Variants in SHB observed in about 807,000 individuals in gnomAD.
SHB encodes the protein SH2 domain-containing adapter protein B.
SHB carries 20 observed loss-of-function variants against 52.3 expected under a neutral mutation model. The ratio of observed to expected loss-of-function variants is 0.38; its 90% CI spans 0.27 to 0.56. The LOEUF (loss-of-function observed/expected upper bound fraction) is 0.56. Ranked by LOEUF, SHB falls within the 20% of genes least tolerant of loss-of-function variation. The probability of loss-of-function intolerance (pLI) is 0.71; values close to 1 mark genes in which losing one functional copy is unlikely to be tolerated. For synonymous variants in SHB, 397 were observed against 316.5 expected, an observed-to-expected ratio of 1.25 and a Z score of -2.70; for missense variants, 825 against 723.3, an observed-to-expected ratio of 1.14 and a Z score of -1.61.
chr9:37,942,417 C>T (rs919999396), intron 5 of SHB, among the ~76,000 whole-genome samples: 1 of 152,186 alleles, frequency 6.6e-6, no homozygotes, highest in African/African-American at 2.4e-5. Flanking sequence ...ACTAATCAGA[C>T]CCCAGACCCT....
intron 3 of SHB, among the ~76,000 whole-genome samples, chr9:37,956,622 G>A (rs889675628): frequency 3.3e-5 from 5 of 152,226 alleles, no homozygotes; most frequent in Non-Finnish European, 7.3e-5. Flanking sequence ...CCATAGCACA[G>A]GAAGGGCCAT....
At position 38,068,291 on chromosome 9, in the gene SHB, C is replaced by G; in HGVS notation, c.355G>C (p.Gly119Arg). The change falls in exon 1 of 6, where the codon GGG becomes CGG. Residue 119 changes from glycine (G) to arginine (R), a missense_variant. Transcript: ENST00000377707. ...GCGCGCTGGACCCCGCCTGGCTCCC[C>G]GCTGCCGCCGCAGTAGTCCAGGCGG... ...MCRLDYCGGSGEPGGVQRAFS... is the reference protein window; with the variant it reads ...MCRLDYCGGSREPGGVQRAFS... 1 of 1,481,796 alleles carries G rather than the reference C, an allele frequency of 6.7e-7. No homozygotes were observed. The highest frequency in any genetic ancestry group is 8.9e-7 in the Non-Finnish European group (1 of 1,121,596). 91.8% of individuals were successfully genotyped at this position (1,481,796 alleles called of 1,614,324 possible). A position where few individuals can be genotyped will look rare whatever the true frequency, so the allele number is the denominator to read the frequency against.
At chr9:38,009,142 C>T (rs1308886629) in intron 2 of SHB, among the ~76,000 whole-genome samples, 1 of 152,200 alleles carries the variant, frequency 6.6e-6, no homozygotes, top group South Asian at 2.1e-4. Context: ...AAGCATTTGC[C>T]GGTCTCCGGG....
At chr9:37,945,745 C>T (rs1035845094) in intron 5 of SHB, among the ~76,000 whole-genome samples, 9 of 152,152 alleles carry the variant, frequency 5.9e-5, no homozygotes, top group African/African-American at 1.7e-4. Flanking sequence ...TCTCCCTCGA[C>T]GTCCTCCCCT....
At chr9:37,981,075 C>A (rs760453021) in intron 2 of SHB, among the ~76,000 whole-genome samples, 4 of 152,226 alleles carry the variant, frequency 2.6e-5, no homozygotes, top group Admixed American at 2.6e-4. Context: ...CTTCAACTTA[C>A]AATCACCAGC....
chr9:37,961,550 C>T (rs1332536281), intron 3 of SHB, among the ~76,000 whole-genome samples: 1 of 152,224 alleles, frequency 6.6e-6, no homozygotes, highest in Non-Finnish European at 1.5e-5. Flanking sequence ...ACTTCCCCTA[C>T]AAAACCCCTG....
chr9:38,029,105 G>T (rs1471314024), intron 1 of SHB, among the ~76,000 whole-genome samples: 1 of 152,166 alleles, frequency 6.6e-6, no homozygotes, highest in Non-Finnish European at 1.5e-5. Context: ...ACATGTAAAT[G>T]ATTCTAGTCC....
At chr9:38,053,613 A>G (rs771845444) in intron 1 of SHB, among the ~76,000 whole-genome samples, 2 of 152,150 alleles carry the variant, frequency 1.3e-5, no homozygotes, top group Non-Finnish European at 2.9e-5. Context: ...TCAAGCTCTT[A>G]GAACAGAGTG....
intron 4 of SHB, among the ~76,000 whole-genome samples, chr9:37,951,901 G>A (rs757517383): frequency 2.0e-5 from 3 of 152,238 alleles, no homozygotes; most frequent in Non-Finnish European, 2.9e-5. Context: ...GGGCGGTCCT[G>A]TGGGGGGCTA....
At chr9:37,946,988 C>T (rs925965950) in intron 5 of SHB, among the ~76,000 whole-genome samples, 1 of 152,206 alleles carries the variant, frequency 6.6e-6, no homozygotes, top group African/African-American at 2.4e-5. Flanking sequence ...ATGGCCCCAT[C>T]AGCATGCCTG....
At chr9:38,034,118 G>T (rs1012310129) in intron 1 of SHB, among the ~76,000 whole-genome samples, 1 of 152,188 alleles carries the variant, frequency 6.6e-6, no homozygotes, top group Non-Finnish European at 1.5e-5. Context: ...CATCTGCCTG[G>T]TGAGGGAGTT....
intron 1 of SHB, among the ~76,000 whole-genome samples, chr9:38,050,050 C>A (rs985919485): frequency 6.6e-6 from 1 of 152,184 alleles, no homozygotes; most frequent in African/African-American, 2.4e-5. Context: ...CTTGGCCTCC[C>A]AAAGTGCTGG....
chr9:38,067,091 C>T (rs57840330), intron 1 of SHB, among the ~76,000 whole-genome samples: 14 of 152,266 alleles, frequency 9.2e-5, no homozygotes, highest in African/African-American at 3.4e-4. Context: ...ATTAACTCGT[C>T]TGCTTCAAAG....
chr9:38,001,588 G>A (rs2118041368), intron 2 of SHB, among the ~76,000 whole-genome samples: 1 of 152,230 alleles, frequency 6.6e-6, no homozygotes, highest in East Asian at 1.9e-4. Context: ...ATGTCCAGGC[G>A]GGTTGGGTTC....
At chr9:37,938,636 T>TA (rs1015115499) in intron 5 of SHB, among the ~76,000 whole-genome samples, 1 of 152,188 alleles carries the variant, frequency 6.6e-6, no homozygotes, top group Non-Finnish European at 1.5e-5. Flanking sequence ...TGTGGGCTGA[T>TA]ACGAGACAAT....
chr9:37,932,540 T>A, intron 5 of SHB, among the ~76,000 whole-genome samples: 1 of 132,894 alleles, frequency 7.5e-6, no homozygotes, highest in Non-Finnish European at 1.5e-5. Context: ...ACTAAATGAG[T>A]AGATGTTAGC....
intron 3 of SHB, among the ~76,000 whole-genome samples, chr9:37,970,307 C>G (rs1327977487): frequency 6.6e-6 from 1 of 152,210 alleles, no homozygotes; most frequent in Admixed American, 6.5e-5. Context: ...TCCATGTCAG[C>G]CATTCTCAGA....
intron 5 of SHB, among the ~76,000 whole-genome samples, chr9:37,920,459 C>G (rs1435960106): frequency 6.6e-6 from 1 of 152,190 alleles, no homozygotes; most frequent in Admixed American, 6.5e-5. Context: ...CCCCCAGTTT[C>G]CAGAGGAGGA....
At chr9:38,027,659 T>G (rs1587251722) in intron 1 of SHB, among the ~76,000 whole-genome samples, 1 of 151,052 alleles carries the variant, frequency 6.6e-6, no homozygotes, top group East Asian at 1.9e-4. Flanking sequence ...GAGGAAACTC[T>G]GGGAAACCAT....
Sources: allele counts gnomAD v4.1 joint callset (sites outside exome capture counted in the v4.1 genomes callset), GRCh38; gene constraint gnomAD v4.1.1; transcripts MANE v1.5; gene names NCBI Gene and HGNC (gene_info 2026-07-23, HGNC 2026-07-21).